The following ADAMTSL1 variants were observed in gnomAD, a reference collection of about 807,000 sequenced individuals.
The protein encoded by ADAMTSL1 is ADAMTS like 1.
A neutral mutation model predicts 201.8 loss-of-function variants in ADAMTSL1; 126 were observed. The observed-to-expected ratio is 0.62, with a 90% confidence interval of 0.54 to 0.72. The LOEUF is 0.72. Ranked by LOEUF, ADAMTSL1 falls within the 30% of genes least tolerant of loss-of-function variation. The probability of loss-of-function intolerance (pLI) is 0.00; values close to 1 mark genes in which losing one functional copy is unlikely to be tolerated. For missense variants in ADAMTSL1, 2,679 were observed against 2,277.8 expected (o/e 1.18, Z -3.59); for synonymous variants, 1,121 against 903.4 (o/e 1.24, Z -4.32).
intron 16 of ADAMTSL1, among the ~76,000 whole-genome samples, chr9:18,757,299 ATCC>A (rs141290322): frequency 1.3e-3 from 192 of 150,984 alleles, no homozygotes; most frequent in African/African-American, 2.7e-3. Context: ...ACTCATCATC[ATCC>A]TCCTCCTCCT....
At chr9:17,975,384 T>A (rs753448790) in intron 1 of ADAMTSL1, among the ~76,000 whole-genome samples, 4 of 152,032 alleles carry the variant, frequency 2.6e-5, no homozygotes, top group African/African-American at 4.8e-5. Context: ...ACCAGCAGAT[T>A]TAATGTCTGG....
upstream of ADAMTSL1, among the ~76,000 whole-genome samples, chr9:18,472,875 T>A (rs1371335078): frequency 6.6e-6 from 1 of 152,252 alleles, no homozygotes; most frequent in Non-Finnish European, 1.5e-5. Flanking sequence ...CTTTCAAAAC[T>A]CAATGATTTC....
chr9:18,399,139 T>G (rs1326638847), intron 2 of ADAMTSL1, among the ~76,000 whole-genome samples: 1 of 151,544 alleles, frequency 6.6e-6, no homozygotes, highest in African/African-American at 2.4e-5. Flanking sequence ...TGGAGCCACA[T>G]CTGTTCACTG....
chr9:18,148,522 A>ATTC (rs1420324957), intron 1 of ADAMTSL1, among the ~76,000 whole-genome samples: 2 of 152,078 alleles, frequency 1.3e-5, no homozygotes, highest in Non-Finnish European at 2.9e-5. Flanking sequence ...GCATCCATGA[A>ATTC]TTCTAGAAAG....
chr9:18,440,679 C>G (rs931948542), intron 2 of ADAMTSL1, among the ~76,000 whole-genome samples: 2 of 150,862 alleles, frequency 1.3e-5, no homozygotes, highest in African/African-American at 4.9e-5. Flanking sequence ...TAAAAATTAC[C>G]GCAATTTTAA....
At position 18,027,096 on chromosome 9, in the gene ADAMTSL1, T is replaced by C. The variant is rs80134005; in HGVS notation, c.87+120174T>C. Among the ~76,000 whole-genome samples the C allele has an allele frequency of 2.0e-3, 294 of 145,356 alleles. 8 individuals are homozygous for C. In the East Asian group the frequency reaches 0.048, roughly 24 times the overall value. On this transcript the variant is annotated intron_variant, in intron 1 of 29. Transcript: ENST00000680146. ...TGATTGTGCTATTTAGGTCTTCTCT[T>C]TTTTTTTTTTTAATTTGTTAATCTA...
At chr9:18,269,436 TAAG>T (rs913827531) in intron 2 of ADAMTSL1, among the ~76,000 whole-genome samples, 1 of 152,142 alleles carries the variant, frequency 6.6e-6, no homozygotes, top group Admixed American at 6.6e-5. Flanking sequence ...CTTTGAGTTC[TAAG>T]AAGATATATA....
At position 18,059,342 on chromosome 9, in the gene ADAMTSL1, G is replaced by A. The variant is rs1025392842; in HGVS notation, c.88-104520G>A. ...GGTGTTTGTAGAATTAAGATAAATC[G>A]AGTATCATTTTTTTGGTTGAGTCAT... On this transcript the variant is annotated intron_variant, in intron 1 of 29. Transcript: ENST00000680146. Among the ~76,000 whole-genome samples the A allele has an allele frequency of 4.6e-5, 7 of 152,220 alleles. No homozygotes were observed. The East Asian group carries it at 7.7e-4, about 17-fold the overall frequency.
chr9:18,019,336 A>T (rs192806191), intron 1 of ADAMTSL1, among the ~76,000 whole-genome samples: 30 of 152,208 alleles, frequency 2.0e-4, no homozygotes, highest in African/African-American at 7.0e-4. Context: ...CTCTATAAAT[A>T]ACAAATGATA....
At chr9:18,651,309 C>T (rs1828236922) in intron 7 of ADAMTSL1, 1 of 152,162 alleles carries the variant, frequency 6.6e-6, no homozygotes, top group Non-Finnish European at 1.5e-5. Context: ...GAATGACTTT[C>T]CCAGGTAGAA....
At chr9:18,713,106 A>G (rs1832712839) in intron 14 of ADAMTSL1, among the ~76,000 whole-genome samples, 1 of 151,638 alleles carries the variant, frequency 6.6e-6, no homozygotes, top group African/African-American at 2.4e-5. Context: ...GAAGCGCTAA[A>G]CATGGAAAGG....
chr9:18,299,365 T>C (rs1203613008), intron 2 of ADAMTSL1, among the ~76,000 whole-genome samples: 1 of 152,230 alleles, frequency 6.6e-6, no homozygotes, highest in African/African-American at 2.4e-5. Context: ...AAGTATTTCA[T>C]ATCTTATTTT....
chr9:18,804,485 TAAGAA>T (rs1822985040), intron 20 of ADAMTSL1, among the ~76,000 whole-genome samples: 1 of 152,120 alleles, frequency 6.6e-6, no homozygotes, highest in Non-Finnish European at 1.5e-5. Flanking sequence ...AAAACTAGAC[TAAGAA>T]AAGATCTTGC....
At chr9:18,356,270 G>T (rs10810958) in intron 2 of ADAMTSL1, among the ~76,000 whole-genome samples, 52,656 of 151,878 alleles carry the variant, frequency 0.35, 9,425 homozygotes, top group Admixed American at 0.47. Context: ...TGGCTTGCAG[G>T]TTTCATCCAG....
intron 4 of ADAMTSL1, among the ~76,000 whole-genome samples, chr9:18,577,984 C>A (rs113269674): frequency 4.9e-5 from 6 of 123,688 alleles, no homozygotes; most frequent in African/African-American, 1.8e-4. Flanking sequence ...CTTTACTTTT[C>A]TCTTTTTTTT....
At chr9:18,301,687 C>G (rs1292811743) in intron 2 of ADAMTSL1, among the ~76,000 whole-genome samples, 1 of 152,058 alleles carries the variant, frequency 6.6e-6, no homozygotes. Context: ...AAAGTTAAAC[C>G]ATGGATAAGG....
At chr9:18,048,848 G>A (rs1821790613) in intron 1 of ADAMTSL1, among the ~76,000 whole-genome samples, 2 of 152,136 alleles carry the variant, frequency 1.3e-5, no homozygotes, top group African/African-American at 2.4e-5. Context: ...GGGCTGCTAT[G>A]GCAAAGTACC....
At chr9:18,703,683 C>A (rs1218937880) in intron 13 of ADAMTSL1, among the ~76,000 whole-genome samples, 1 of 110,000 alleles carries the variant, frequency 9.1e-6, no homozygotes, top group African/African-American at 3.2e-5. Flanking sequence ...AAAAATTACA[C>A]ACGTGCATGC....
chr9:18,399,290 TA>T (rs1817875608), intron 2 of ADAMTSL1, among the ~76,000 whole-genome samples: 1 of 88,840 alleles, frequency 1.1e-5, no homozygotes, highest in Admixed American at 1.1e-4. Flanking sequence ...CATATATATA[TA>T]TATATATATA....
Sources: gnomAD v4.1 joint callset for allele counts (sites outside exome capture counted in the v4.1 genomes callset) on GRCh38, gnomAD v4.1.1 for gene constraint, MANE v1.5 for transcripts, NCBI Gene and HGNC (gene_info 2026-07-23, HGNC 2026-07-21) for gene names.